ANKRD26: variants seen among roughly 807,000 people sequenced by gnomAD.
The protein encoded by ANKRD26 is ankyrin repeat domain-containing protein 26.
ANKRD26 carries 141 observed loss-of-function variants against 208.7 expected under a neutral mutation model. The observed-to-expected ratio is 0.68, with a 90% CI of 0.59 to 0.78. The LOEUF (loss-of-function observed/expected upper bound fraction) is 0.78. ANKRD26 is among the 30% of genes least tolerant of loss of function. The pLI, the probability that ANKRD26 is intolerant of heterozygous loss-of-function variation, is 0.00. For missense variants in ANKRD26, 1,889 were observed against 1,938.7 expected (o/e 0.97, Z 0.48); for synonymous variants, 636 against 660.4 (o/e 0.96, Z 0.57).
chr10:27,073,588 C>T (rs978857201), intron 9 of ANKRD26, among the ~76,000 whole-genome samples: 17 of 152,222 alleles, frequency 1.1e-4, no homozygotes, highest in Non-Finnish European at 1.9e-4. Context: ...CTCCCCCTGC[C>T]ACATTTGTCA....
chr10:26,959,033 ATT>A, the ANKRD26 span, among the ~76,000 whole-genome samples: 2 of 152,006 alleles, frequency 1.3e-5, no homozygotes, highest in Admixed American at 6.6e-5. Context: ...TTTGATTTGC[ATT>A]TCTCTAATGA....
intron 17 of ANKRD26, among the ~76,000 whole-genome samples, chr10:27,047,481 T>C (rs2054489817): frequency 1.3e-5 from 2 of 151,514 alleles, no homozygotes; most frequent in Non-Finnish European, 1.5e-5. Context: ...ATTAGCCTGG[T>C]GTGGTGGTGC....
chr10:26,980,133 CAA>C (rs1397127254), intron 5 of ANKRD26, among the ~76,000 whole-genome samples: 1 of 152,174 alleles, frequency 6.6e-6, no homozygotes, highest in Non-Finnish European at 1.5e-5. Flanking sequence ...AATATTGTCT[CAA>C]AGTTTTATCA....
At chr10:26,984,695 C>T (rs1427169256) in intron 3 of ANKRD26, among the ~76,000 whole-genome samples, 2 of 152,108 alleles carry the variant, frequency 1.3e-5, no homozygotes, top group Non-Finnish European at 2.9e-5. Context: ...AAAGTTGGGT[C>T]GGTTATTTGG....
Position 27,100,213 on chromosome 10 carries a change from G to T in ANKRD26, c.114C>A (p.Pro38=). 6.2e-7 allele frequency: 1 copy of T among 1,613,384 alleles called. No homozygotes were observed. The highest frequency in any genetic ancestry group is 1.7e-4 in the Middle Eastern group (1 of 6,056). Residue 38 remains proline, a synonymous_variant, in exon 1 of 34, where the codon CCC becomes CCA. Coordinates refer to ENST00000376087, the MANE Select transcript of ANKRD26 (RefSeq NM_014915.3). ...GATCTCGGTCTCGGACGTGGTAGCC[G>T]GGCTGCGAGTAGGCGCCCTCCCCCG... is the stretch of plus-strand genomic sequence containing the variant. ...GEPGEGAYSQ[P]GYHVRDRDLG...
chr10:26,949,504 T>C, the ANKRD26 span, among the ~76,000 whole-genome samples: 1 of 152,008 alleles, frequency 6.6e-6, no homozygotes, highest in Non-Finnish European at 1.5e-5. Flanking sequence ...AATTAATTTA[T>C]TTATTAATTT....
chr10:27,057,408 G>A (rs2054875281), intron 15 of ANKRD26, among the ~76,000 whole-genome samples: 4 of 152,016 alleles, frequency 2.6e-5, no homozygotes, highest in Admixed American at 6.6e-5. Flanking sequence ...TAATAATTAA[G>A]ATTCTTCAGG....
intron 9 of ANKRD26, among the ~76,000 whole-genome samples, chr10:27,073,221 C>T (rs888083357): frequency 6.6e-5 from 10 of 152,220 alleles, no homozygotes; most frequent in Non-Finnish European, 1.3e-4. Flanking sequence ...TTTCCCTTAA[C>T]AGGTAGCCCT....
intron 15 of ANKRD26, among the ~76,000 whole-genome samples, chr10:27,055,476 C>T (rs1390802354): frequency 2.0e-5 from 3 of 152,000 alleles, no homozygotes; most frequent in African/African-American, 7.3e-5. Flanking sequence ...GAAAACAAAA[C>T]TATTGGGATA....
chr10:26,954,604 T>C, the ANKRD26 span, among the ~76,000 whole-genome samples: 1 of 152,232 alleles, frequency 6.6e-6, no homozygotes, highest in Admixed American at 6.5e-5. Context: ...AATTTGGTGA[T>C]ACACTTTGAC....
At chr10:27,017,319 C>A (rs994265059) in intron 30 of ANKRD26, among the ~76,000 whole-genome samples, 183 bp downstream of exon 30, 1 of 152,042 alleles carries the variant, frequency 6.6e-6, no homozygotes, top group African/African-American at 2.4e-5. Flanking sequence ...TATTCTAAAT[C>A]ATCAATTTAG....
downstream of ANKRD26, among the ~76,000 whole-genome samples, chr10:26,973,098 T>C (rs140859010): frequency 2.0e-5 from 3 of 152,322 alleles, no homozygotes; most frequent in East Asian, 5.8e-4. Flanking sequence ...GGCCTCGATA[T>C]ATACCTGTTA....
At position 27,017,596 on chromosome 10, in the gene ANKRD26, T is replaced by A; in HGVS notation, c.4412A>T (p.Glu1471Val). 1.2e-6 allele frequency: 2 copies of A among 1,613,708 alleles called. No individual in the cohort carries two copies. The highest frequency in any genetic ancestry group is 1.7e-6 in the Non-Finnish European group (2 of 1,179,834). ...TTTATACTGTTTGACTTGACCAAGT[T>A]CTACCATATTCCTTTCTATATGACT... Reference protein sequence around the residue: ...LRSHIERNMVELGQVKQYKQE... With the variant: ...LRSHIERNMVVLGQVKQYKQE... The change falls in exon 30 of 34, where the codon GAA becomes GTA. Residue 1471 changes from glutamate to valine, a missense_variant. Glu to Val is a moderately radical substitution (Grantham distance 121). Around this residue, in one of 3 missense-constraint regions of ANKRD26, gnomAD observed 613 missense variants for 648.2 expected, o/e 0.95. Transcript: ENST00000376087.
Position 27,071,229 on chromosome 10 carries a change from G to A in ANKRD26, c.1078-3943C>T, listed in dbSNP as rs182065115. ...CGCCCAGGCTGGAGTGCAGTGGCGCGATCTCGGCTCACTGCAAGCTCTGCC... is the reference window on the plus strand; with the variant it reads ...CGCCCAGGCTGGAGTGCAGTGGCGCAATCTCGGCTCACTGCAAGCTCTGCC... On this transcript the variant is annotated intron_variant, in intron 9 of 33. Coordinates refer to ENST00000376087, the MANE Select transcript of ANKRD26 (RefSeq NM_014915.3). 2.8e-5 allele frequency among the ~76,000 whole-genome samples: 4 copies of A among 142,162 alleles called. No homozygotes were observed. In the East Asian group the frequency reaches 6.3e-4, roughly 22 times the overall value. The allele number at this position is 142,162 out of a possible 152,430, so 93.3% of individuals were successfully genotyped here.
chr10:27,070,557 T>G (rs35844030), intron 9 of ANKRD26, among the ~76,000 whole-genome samples: 12,481 of 152,240 alleles, frequency 0.082, 722 homozygotes, highest in East Asian at 0.28. Flanking sequence ...AATGAATTTA[T>G]GAGCAAGGTT....
intron 25 of ANKRD26, 117 bp from the exon 26 acceptor site, chr10:27,029,473 T>C (rs2053792911): frequency 2.2e-6 from 2 of 920,614 alleles, no homozygotes; most frequent in Non-Finnish European, 1.7e-6. Context: ...AATATGCATA[T>C]TGTTTATGGC....
At chr10:27,060,152 G>A (rs575596233) in intron 15 of ANKRD26, among the ~76,000 whole-genome samples, 193 bp downstream of exon 15, 3 of 152,190 alleles carry the variant, frequency 2.0e-5, no homozygotes, top group African/African-American at 7.2e-5. Context: ...GCAGTGAGCC[G>A]AGATCACGCC....
chr10:27,030,529 C>T (rs888747802), intron 25 of ANKRD26: 7 of 985,334 alleles, frequency 7.1e-6, no homozygotes, highest in Admixed American at 1.2e-4. Flanking sequence ...AAGGTTATGT[C>T]GTACGGTGTA....
downstream of ANKRD26, among the ~76,000 whole-genome samples, chr10:26,988,542 G>A (rs1056496260): frequency 1.3e-5 from 2 of 152,052 alleles, no homozygotes; most frequent in African/African-American, 4.8e-5. Flanking sequence ...GCACCTTTGA[G>A]GCATTACAGT....
Sources: allele counts gnomAD v4.1 joint callset (sites outside exome capture counted in the v4.1 genomes callset), GRCh38; gene constraint gnomAD v4.1.1; regional missense constraint gnomAD v4.1.1; transcripts MANE v1.5; gene names NCBI Gene and HGNC (gene_info 2026-07-23, HGNC 2026-07-21).